PRKCH: variants seen among roughly 807,000 people sequenced by gnomAD.
PRKCH encodes the protein protein kinase C eta, also known as protein kinase C eta type.
In PRKCH, 28 loss-of-function variants were observed where a neutral mutation model predicts 82.5. That is an observed-to-expected ratio of 0.34 (90% CI 0.25 to 0.47). The LOEUF is 0.47. Ranked by LOEUF, PRKCH falls within the 20% of genes least tolerant of loss-of-function variation. PRKCH has a pLI of 1.00. For missense variants in PRKCH, 705 were observed against 881.8 expected (o/e 0.80, Z 2.54); for synonymous variants, 322 against 327.4 (o/e 0.98, Z 0.18).
chr14:61,243,238 T>TA (rs2044855041), intron 1 of PRKCH, among the ~76,000 whole-genome samples: 1 of 149,114 alleles, frequency 6.7e-6, no homozygotes, highest in Non-Finnish European at 1.5e-5. Flanking sequence ...CTACTACAAA[T>TA]ACAAAAAAAA....
chr14:61,492,933 G>A (rs1252162575), intron 10 of PRKCH, among the ~76,000 whole-genome samples: 1 of 152,174 alleles, frequency 6.6e-6, no homozygotes, highest in Non-Finnish European at 1.5e-5. Flanking sequence ...AGATAAGGAG[G>A]GTGTTTAGGT....
chr14:61,209,188 C>T (rs979805762), intron 1 of PRKCH, among the ~76,000 whole-genome samples: 1 of 151,942 alleles, frequency 6.6e-6, no homozygotes, highest in Non-Finnish European at 1.5e-5. Context: ...GATACCGGTG[C>T]TATGCTCTTG....
chr14:61,294,863 A>G (rs1409728524), intron 1 of PRKCH, among the ~76,000 whole-genome samples: 1 of 152,004 alleles, frequency 6.6e-6, no homozygotes. Context: ...TTTAATTCCT[A>G]TACCTATCTT....
intron 7 of PRKCH, chr14:61,456,954 G>A (rs1884794377): frequency 2.5e-5 from 12 of 485,906 alleles, no homozygotes; most frequent in East Asian, 7.2e-5. Context: ...TGGCTTAGAC[G>A]TATTTTTAAT....
intron 1 of PRKCH, among the ~76,000 whole-genome samples, chr14:61,224,311 T>A (rs1188613887): frequency 6.6e-6 from 1 of 152,206 alleles, no homozygotes; most frequent in Non-Finnish European, 1.5e-5. Context: ...ATTGTTATTA[T>A]CTTATATGGT....
At chr14:61,549,581 A>T in intron 13 of PRKCH, 104 bp from the exon 14 acceptor site, 2 of 1,259,600 alleles carry the variant, frequency 1.6e-6, no homozygotes, top group Non-Finnish European at 2.2e-6. Context: ...TGAACAAGCT[A>T]CAGAGCACTC....
chr14:61,262,222 A>AT (rs2045054000), intron 1 of PRKCH, among the ~76,000 whole-genome samples: 1 of 151,046 alleles, frequency 6.6e-6, no homozygotes, highest in African/African-American at 2.4e-5. Context: ...CTCTGTATAA[A>AT]AAAAAAAAAA....
chr14:61,290,936 A>G (rs1040784730), intron 1 of PRKCH, among the ~76,000 whole-genome samples: 4 of 152,200 alleles, frequency 2.6e-5, no homozygotes, highest in African/African-American at 9.7e-5. Flanking sequence ...CTTCTTATTA[A>G]AACTGAGGTA....
chr14:61,500,435 C>T (rs1886854210), intron 10 of PRKCH, among the ~76,000 whole-genome samples: 1 of 152,194 alleles, frequency 6.6e-6, no homozygotes, highest in Non-Finnish European at 1.5e-5. Context: ...TGGGCTCAAG[C>T]AACCCTCCCA....
intron 10 of PRKCH, among the ~76,000 whole-genome samples, chr14:61,486,174 C>T (rs755400615): frequency 6.6e-6 from 1 of 152,198 alleles, no homozygotes; most frequent in Non-Finnish European, 1.5e-5. Context: ...GTGCTAAACA[C>T]ACTGTTGTTC....
At chr14:61,449,880 CTCTCTCTCTCTCTCTCTCTCTGTG>C (rs1283527735) in intron 5 of PRKCH, among the ~76,000 whole-genome samples, 2 of 79,586 alleles carry the variant, frequency 2.5e-5, no homozygotes, top group Middle Eastern at 6.8e-3. Context: ...CTCTCTCTCT[CTCTCTCTCTCTCTCTCTCTCTGTG>C]TGTGTGTGTG....
At chr14:61,439,778 G>A (rs185984173) in intron 2 of PRKCH, among the ~76,000 whole-genome samples, 40 of 152,258 alleles carry the variant, frequency 2.6e-4, no homozygotes, top group Non-Finnish European at 5.1e-4. Flanking sequence ...AGAGGGAAGG[G>A]CCGTTTAGGA....
intron 2 of PRKCH, among the ~76,000 whole-genome samples, chr14:61,438,749 T>G (rs1478268850): frequency 6.6e-6 from 1 of 152,236 alleles, no homozygotes; most frequent in Non-Finnish European, 1.5e-5. Context: ...ACCCTGGGGT[T>G]GTTTGGTGAC....
chr14:61,329,355 G>A (rs1566823144), intron 1 of PRKCH, among the ~76,000 whole-genome samples: 1 of 146,396 alleles, frequency 6.8e-6, no homozygotes, highest in Non-Finnish European at 1.5e-5. Context: ...TCCTGCCTCA[G>A]CCTCTCAGTA....
chr14:61,479,641 G>C (rs1039846358), intron 9 of PRKCH, among the ~76,000 whole-genome samples: 1 of 152,066 alleles, frequency 6.6e-6, no homozygotes, highest in Non-Finnish European at 1.5e-5. Flanking sequence ...AACTCCTATC[G>C]AACAGCCCTT....
intron 2 of PRKCH, among the ~76,000 whole-genome samples, chr14:61,392,730 T>A (rs1479705994): frequency 6.6e-6 from 1 of 152,176 alleles, no homozygotes; most frequent in Non-Finnish European, 1.5e-5. Context: ...GCAAAAGTTT[T>A]AAATTTCTAT....
intron 2 of PRKCH, among the ~76,000 whole-genome samples, chr14:61,422,389 C>G (rs1050954274): frequency 6.6e-6 from 1 of 152,200 alleles, no homozygotes; most frequent in African/African-American, 2.4e-5. Flanking sequence ...AGTGCCTGGC[C>G]AATTAAATGC....
chr14:61,532,114 A>G (rs889039716), intron 12 of PRKCH, among the ~76,000 whole-genome samples: 1 of 152,184 alleles, frequency 6.6e-6, no homozygotes, highest in African/African-American at 2.4e-5. Context: ...GTGGCCTGCA[A>G]CAGCCACCTT....
At chr14:61,216,745 C>T (rs775693510) in intron 1 of PRKCH, among the ~76,000 whole-genome samples, 2 of 152,100 alleles carry the variant, frequency 1.3e-5, no homozygotes, top group East Asian at 1.9e-4. Context: ...TGACTCGGCT[C>T]GAACATGAGA....
Sources: gnomAD v4.1 joint callset for allele counts (sites outside exome capture counted in the v4.1 genomes callset) on GRCh38, gnomAD v4.1.1 for gene constraint, MANE v1.5 for transcripts, NCBI Gene and HGNC (gene_info 2026-07-23, HGNC 2026-07-21) for gene names.